Variants in IL1RAPL2 observed in about 807,000 individuals in gnomAD.
IL1RAPL2 encodes X-linked interleukin-1 receptor accessory protein-like 2.
A neutral mutation model predicts 44.1 loss-of-function variants in IL1RAPL2; 3 were observed. The observed-to-expected ratio is 0.07, with a 90% CI of 0.03 to 0.18. The LOEUF is 0.18. IL1RAPL2 is among the 10% of genes least tolerant of loss of function. IL1RAPL2 has a pLI of 1.00. For synonymous variants in IL1RAPL2, 181 were observed against 178.8 expected, an observed-to-expected ratio of 1.01 and a Z score of -0.10; for missense variants, 391 against 496.4, an observed-to-expected ratio of 0.79 and a Z score of 2.02.
At chrX:105,717,694 G>A (rs899090680) in intron 7 of IL1RAPL2, among the ~76,000 whole-genome samples, 198 bp downstream of exon 7, 1 of 111,731 alleles carries the variant, frequency 9.0e-6, no homozygotes, top group Non-Finnish European at 1.9e-5. Context: ...TGTCACCAGG[G>A]TATAATGACC....
At chrX:104,634,056 T>C (rs1028686698) in intron 1 of IL1RAPL2, among the ~76,000 whole-genome samples, 43 of 111,553 alleles carry the variant, frequency 3.9e-4, no homozygotes, top group African/African-American at 1.4e-3. Flanking sequence ...TTTGTTCTCG[T>C]TGGTTTCAAA....
At chrX:105,146,386 G>T (rs189154447) in intron 2 of IL1RAPL2, among the ~76,000 whole-genome samples, 1 of 110,771 alleles carries the variant, frequency 9.0e-6, no homozygotes, top group East Asian at 2.8e-4. Context: ...TATAGCCCTG[G>T]TTTATAAGAG....
At chrX:104,902,824 C>T (rs1050303196) in intron 2 of IL1RAPL2, among the ~76,000 whole-genome samples, 1 of 110,923 alleles carries the variant, frequency 9.0e-6, no homozygotes, top group Non-Finnish European at 1.9e-5. Flanking sequence ...TTTCATTCAT[C>T]AAATTCTAGT....
In IL1RAPL2 at chrX:105,740,702, TTATAAC is replaced by T. The variant is rs1353333424; in HGVS notation, c.1048+21_1048+26del. The stretch of plus-strand genomic sequence containing the variant: ...TGCTGCGTAAAAAGGGTATTTATTT[TTATAAC>T]TATAACTATGGTTTGCTTAGCTATC... On this transcript the variant is annotated intron_variant, in intron 8 of 10. Coordinates refer to ENST00000372582, the MANE Select transcript of IL1RAPL2 (RefSeq NM_017416.2). 10 of 1,196,313 alleles carry T rather than the reference TTATAAC, an allele frequency of 8.4e-6. No homozygotes were observed. Among genetic ancestry groups the T allele is most frequent in the Admixed American group, 2.2e-5 (1 of 45,136 alleles).
At chrX:105,236,636 A>G (rs781796423) in intron 4 of IL1RAPL2, among the ~76,000 whole-genome samples, 1 of 111,534 alleles carries the variant, frequency 9.0e-6, no homozygotes, top group Non-Finnish European at 1.9e-5. Flanking sequence ...CTAACGGATT[A>G]GGATAAAATA....
chrX:105,216,891 G>A (rs892484950), intron 3 of IL1RAPL2, among the ~76,000 whole-genome samples: 2 of 111,942 alleles, frequency 1.8e-5, no homozygotes, highest in African/African-American at 6.5e-5. Context: ...GGGAAAACTG[G>A]ATAGCCATAT....
intron 7 of IL1RAPL2, 29 bp downstream of exon 7, chrX:105,717,525 T>C (rs1602537088): frequency 8.6e-7 from 1 of 1,169,284 alleles, no homozygotes; most frequent in Non-Finnish European, 1.2e-6. Context: ...TTATCTTTCT[T>C]TGCTGTCTTA....
intron 5 of IL1RAPL2, among the ~76,000 whole-genome samples, chrX:105,469,028 C>G (rs184630239): frequency 5.4e-5 from 6 of 111,761 alleles, no homozygotes; most frequent in Non-Finnish European, 1.1e-4. Flanking sequence ...TGGCTGAGAG[C>G]ACAAGCAGTG....
At chrX:105,220,217 T>C in intron 3 of IL1RAPL2, 1 of 1,211,782 alleles carries the variant, frequency 8.3e-7, no homozygotes, top group Middle Eastern at 2.3e-4. Flanking sequence ...TTGACCTCAC[T>C]GGGCACCTCG....
At chrX:105,629,918 C>T (rs1489626823) in intron 6 of IL1RAPL2, among the ~76,000 whole-genome samples, 2 of 111,291 alleles carry the variant, frequency 1.8e-5, no homozygotes, top group Non-Finnish European at 3.8e-5. Flanking sequence ...TGCTTTGAGA[C>T]TGAAATTATG....
chrX:104,994,737 G>A (rs990742045), intron 2 of IL1RAPL2, among the ~76,000 whole-genome samples: 2 of 110,839 alleles, frequency 1.8e-5, no homozygotes, highest in Non-Finnish European at 3.8e-5. Context: ...GGTTCTAAGA[G>A]TTTTCACCCA....
intron 6 of IL1RAPL2, among the ~76,000 whole-genome samples, chrX:105,625,600 A>T (rs1218332687): frequency 8.9e-6 from 1 of 111,863 alleles, no homozygotes; most frequent in Non-Finnish European, 1.9e-5. Flanking sequence ...TTTTCTCAGA[A>T]CAATCAATCA....
At chrX:104,671,467 T>C (rs1930601550) in intron 2 of IL1RAPL2, among the ~76,000 whole-genome samples, 2 of 112,036 alleles carry the variant, frequency 1.8e-5, no homozygotes, top group Non-Finnish European at 3.8e-5. Flanking sequence ...TTTCTCTGTG[T>C]ACCTTTCGTT....
intron 5 of IL1RAPL2, among the ~76,000 whole-genome samples, chrX:105,341,855 T>G (rs1307241371): frequency 9.0e-6 from 1 of 110,646 alleles, no homozygotes; most frequent in Non-Finnish European, 1.9e-5. Flanking sequence ...GGCATGAACC[T>G]GGGAGGCGGA....
intron 2 of IL1RAPL2, among the ~76,000 whole-genome samples, chrX:104,864,623 T>C (rs909208027): frequency 9.0e-6 from 1 of 111,499 alleles, no homozygotes; most frequent in Non-Finnish European, 1.9e-5. Flanking sequence ...ACATTTGAGT[T>C]GGTGGACTGG....
At chrX:104,954,880 A>G (rs1569350766) in intron 2 of IL1RAPL2, among the ~76,000 whole-genome samples, 1 of 113,185 alleles carries the variant, frequency 8.8e-6, no homozygotes, top group Non-Finnish European at 1.9e-5. Flanking sequence ...GTGGTGGAAG[A>G]AAACAGTTTT....
At chrX:105,587,490 C>G (rs2037137299) in intron 6 of IL1RAPL2, among the ~76,000 whole-genome samples, 1 of 111,103 alleles carries the variant, frequency 9.0e-6, no homozygotes, top group Admixed American at 9.6e-5. Context: ...TTACTTTCTT[C>G]AATTTTTAAT....
intron 2 of IL1RAPL2, among the ~76,000 whole-genome samples, chrX:104,682,391 A>G (rs1930903276): frequency 8.9e-6 from 1 of 112,592 alleles, no homozygotes; most frequent in Non-Finnish European, 1.9e-5. Flanking sequence ...AAAGGAAAAT[A>G]TTCATCCCAA....
intron 2 of IL1RAPL2, among the ~76,000 whole-genome samples, chrX:104,692,522 C>A (rs1261605740): frequency 9.2e-6 from 1 of 108,516 alleles, no homozygotes; most frequent in Non-Finnish European, 1.9e-5. Context: ...CCACGACAGG[C>A]CCTGGTGTGT....
Sources: gnomAD v4.1 joint callset for allele counts (sites outside exome capture counted in the v4.1 genomes callset) on GRCh38, gnomAD v4.1.1 for gene constraint, MANE v1.5 for transcripts, NCBI Gene and HGNC (gene_info 2026-07-23, HGNC 2026-07-21) for gene names.